NAGPA: variants seen among roughly 807,000 people sequenced by gnomAD.
NAGPA encodes alpha-N-acetylglucosaminyl phosphodiesterase.
A neutral mutation model predicts 48.5 loss-of-function variants in NAGPA; 56 were observed. That is an observed-to-expected ratio of 1.15 (90% confidence interval 0.93 to 1.44). The LOEUF (loss-of-function observed/expected upper bound fraction) is 1.44, where lower values mean the gene tolerates loss of function less well. NAGPA is among the 40% of genes most tolerant of loss of function. The pLI, the probability that NAGPA is intolerant of heterozygous loss-of-function variation, is 0.00. For synonymous variants in NAGPA, 399 were observed against 315.5 expected, an observed-to-expected ratio of 1.26 and a Z score of -2.81; for missense variants, 888 against 735.0, an observed-to-expected ratio of 1.21 and a Z score of -2.41.
chr16:5,032,432 G>A (rs1364290178), intron 2 of NAGPA, among the ~76,000 whole-genome samples: 1 of 151,740 alleles, frequency 6.6e-6, no homozygotes, highest in Non-Finnish European at 1.5e-5. Context: ...GAGGTGGGTG[G>A]ATCACTTGAG....
chr16:5,026,816 G>A (rs1220416411), intron 9 of NAGPA, among the ~76,000 whole-genome samples: 1 of 152,190 alleles, frequency 6.6e-6, no homozygotes, highest in Non-Finnish European at 1.5e-5. Flanking sequence ...CGGGAGGATC[G>A]CAGTGAGCTG....
In NAGPA at chr16:5,025,618, A is replaced by T; in HGVS notation, c.1408T>A (p.Ser470Thr). The change falls in exon 10 of 10, where the codon TCC (serine) becomes ACC (threonine). Residue 470 changes from serine (S) to threonine (T), a missense_variant. By Grantham distance (58) the Ser-to-Thr change is moderately conservative (BLOSUM62 1). Transcript: ENST00000312251. ...CTCTCTGCTCTGGACAGGAGCAAGG[A>T]CAGGTTTGCTGCAGTGCTGATCAGC... ...LLLISTAANL[S>T]LLLSRAERNR... 1 of 1,613,882 alleles carries T rather than the reference A, an allele frequency of 6.2e-7. No individual in the cohort carries two copies. Among genetic ancestry groups the T allele is most frequent in the Non-Finnish European group, 8.5e-7 (1 of 1,179,986 alleles).
intron 4 of NAGPA, chr16:5,029,317 A>C (rs1001804023): frequency 7.5e-5 from 30 of 399,176 alleles, no homozygotes; most frequent in Non-Finnish European, 1.1e-4. Flanking sequence ...ACAGAATAGG[A>C]AGTGAGATTT....
Position 5,031,766 on chromosome 16 carries a change from A to G in NAGPA, c.661T>C (p.Cys221Arg), listed in dbSNP as rs1012506844. The G allele has an allele frequency of 2.5e-6, 4 of 1,613,734 alleles. No homozygotes were observed. The highest frequency in any genetic ancestry group is 8.5e-7 in the Non-Finnish European group (1 of 1,179,940). Reference protein sequence around the residue: ...IYINESQATECDETQETGSFS... With the variant: ...IYINESQATERDETQETGSFS... ...CAACCTGTCTCCTGTGTCTCGTCAC[A>G]CTCTGTGGCTTGGCTCTCGTTGATG... The change falls in exon 3 of 10, where the codon TGT (cysteine) becomes CGT (arginine). Residue 221 changes from cysteine to arginine, a missense_variant. By Grantham distance (180) the Cys-to-Arg change is radical. Transcript: ENST00000312251.
At position 5,033,604 on chromosome 16, in the gene NAGPA, G is replaced by T. The variant is rs531537200; in HGVS notation, c.211C>A (p.Pro71Thr). Residue 71 changes from proline to threonine, a missense_variant, in exon 2 of 10, where the codon CCC (proline) becomes ACC (threonine). By Grantham distance (38) the Pro-to-Thr change is conservative. Transcript: ENST00000312251. This position sits in a 1 kb window ranked among gnomAD's most constrained non-coding sequence, Gnocchi z 4.2. ...HESWPPPPAT[P>T]GAGGLAVRTF... ...CGCACGGCCAGACCGCCGGCGCCGG[G>T]AGTCGCGGGAGGCGGAGGCCAACTC... 329 of 1,498,676 alleles carry T rather than the reference G, an allele frequency of 2.2e-4. No homozygotes were observed. Among genetic ancestry groups the T allele is most frequent in the Non-Finnish European group, 2.7e-4 (308 of 1,136,378 alleles). 92.8% of individuals were successfully genotyped at this position (1,498,676 alleles called of 1,614,324 possible).
At chr16:5,028,636 C>T (rs1397235034) in intron 5 of NAGPA, 2 of 613,464 alleles carry the variant, frequency 3.3e-6, no homozygotes, top group Non-Finnish European at 5.7e-6. Context: ...CCACCCCCAC[C>T]CAGCTACCAC....
chr16:5,025,497 TG>T lies in NAGPA; in HGVS notation c.1528del (p.His510ThrfsTer121). The T allele has an allele frequency of 6.2e-7, 1 of 1,612,266 alleles. No individual in the cohort carries two copies. Among genetic ancestry groups the T allele is most frequent in the Non-Finnish European group, 8.5e-7 (1 of 1,179,970 alleles). On this transcript the variant is annotated frameshift_variant, in exon 10 of 10. Coordinates refer to ENST00000312251, the MANE Select transcript of NAGPA (RefSeq NM_016256.4). LOFTEE classifies it high-confidence loss of function. ...AAEKEQPGGA[H>X]NPFKD ...GAGGCTTCAGTCCTTGAAGGGGTTG[TG>T]GGCGCCCCCTGGCTGCTCCTTCTCT...
At chr16:5,027,661 C>T (rs532577342) in intron 7 of NAGPA, among the ~76,000 whole-genome samples, 185 bp downstream of exon 7, 4 of 152,294 alleles carry the variant, frequency 2.6e-5, no homozygotes, top group African/African-American at 9.6e-5. Flanking sequence ...TTTAGCCGAG[C>T]CCTTTGTGGA....
At chr16:5,029,203 C>T (rs940429134) in intron 4 of NAGPA, 195 bp from the exon 5 acceptor site, 13 of 879,794 alleles carry the variant, frequency 1.5e-5, no homozygotes, top group Non-Finnish European at 2.1e-5. Flanking sequence ...TGTGCTGTTA[C>T]ATGGCATAGG....
In NAGPA at chr16:5,025,216, G is replaced by T; in HGVS notation, c.*262C>A. ...AGTGCGGCAGCCCTCCCGGGGGCAC[G>T]GGCTTCTCGGCAGCAGACACAGGCA... is the stretch of plus-strand genomic sequence containing the variant. On this transcript the variant is annotated 3_prime_UTR_variant, in exon 10 of 10. Transcript: ENST00000312251. 1 of 544,256 alleles carries T rather than the reference G, an allele frequency of 1.8e-6. No individual in the cohort carries two copies. Among genetic ancestry groups the T allele is most frequent in the Non-Finnish European group, 3.3e-6 (1 of 301,898 alleles). 33.7% of individuals were successfully genotyped at this position (544,256 alleles called of 1,614,324 possible). A position where few individuals can be genotyped will look rare whatever the true frequency, so the allele number is the denominator to read the frequency against.
Position 5,033,131 on chromosome 16 carries a change from C to T in NAGPA, c.542+142G>A, listed in dbSNP as rs1956131856. 2.0e-6 allele frequency: 2 copies of T among 992,806 alleles called. No homozygotes were observed. Among genetic ancestry groups the T allele is most frequent in the South Asian group, 3.0e-5 (2 of 67,666 alleles). 61.5% of individuals were successfully genotyped at this position (992,806 alleles called of 1,614,324 possible). The stretch of plus-strand genomic sequence containing the variant: ...GATACTGGATGATGAATAAACTCTG[C>T]AAGGAAGCGATTCCTATCCCCATTC... On this transcript the variant is annotated intron_variant, in intron 2 of 9. Coordinates refer to ENST00000312251, the MANE Select transcript of NAGPA (RefSeq NM_016256.4). The surrounding 1 kb of genome is among the most constrained non-coding windows in gnomAD (Gnocchi z 4.2).
intron 7 of NAGPA, 27 bp downstream of exon 7, chr16:5,027,819 A>C: frequency 6.4e-7 from 1 of 1,553,012 alleles, no homozygotes; most frequent in Non-Finnish European, 8.7e-7. Context: ...CCGTCTCCCC[A>C]TCCGCTAGTG....
Position 5,033,569 on chromosome 16 carries a change from C to T in NAGPA, c.246G>A (p.Val82=), listed in dbSNP as rs1250715740. 1.3e-6 allele frequency: 2 copies of T among 1,501,038 alleles called. No individual in the cohort carries two copies. The highest frequency in any genetic ancestry group is 1.3e-5 in the South Asian group (1 of 79,956). 93.0% of individuals were successfully genotyped at this position (1,501,038 alleles called of 1,614,324 possible). ...GAGGLAVRTF[V]SHFRDRAVAG... Reference sequence around the variant, plus strand: ...CCACCGCGCGGTCCCTGAAGTGCGACACGAAGGTGCGCACGGCCAGACCGC... The same window carrying T: ...CCACCGCGCGGTCCCTGAAGTGCGATACGAAGGTGCGCACGGCCAGACCGC... The change falls in exon 2 of 10, where the codon GTG becomes GTA. Residue 82 remains valine, a synonymous_variant. Transcript: ENST00000312251. This position sits in a 1 kb window ranked among gnomAD's most constrained non-coding sequence, Gnocchi z 4.2.
chr16:5,032,982 G>A (rs774874117), intron 2 of NAGPA: 3 of 550,044 alleles, frequency 5.5e-6, no homozygotes. Flanking sequence ...ATGTATGTTA[G>A]CTATTTACCC....
rs1488143569 is a variant in NAGPA at position 5,029,002 on chromosome 16, G to A, written c.798C>T (p.Asn266=). ...GCAGGAACTCCGCCATTTCCCACAG[G>A]TTGATGCTGCGGCACAAAGCGGCGC... ...ADGQTEQRGI[N]LWEMAEFLLK... is the part of the protein sequence containing the mutation. Residue 266 remains asparagine (N), a synonymous_variant, in exon 5 of 10, where the codon AAC becomes AAT. Transcript: ENST00000312251. 1 of 1,613,360 alleles carries A rather than the reference G, an allele frequency of 6.2e-7. No homozygotes were observed. The highest frequency in any genetic ancestry group is 1.7e-5 in the Admixed American group (1 of 60,036).
Position 5,027,851 on chromosome 16 carries a change from C to T in NAGPA, c.1169G>A (p.Ser390Asn), listed in dbSNP as rs1260140603. 1 of 1,561,326 alleles carries T rather than the reference C, an allele frequency of 6.4e-7. No individual in the cohort carries two copies. The highest frequency in any genetic ancestry group is 8.7e-7 in the Non-Finnish European group (1 of 1,152,682). ...AGTGGCGTGGCAGCTCCTACCTTCA[C>T]TGCAGTTGGACCCGGTCCATCCGGC... ...CDAGWTGSNC[S>N]EECPLGWHGP... The change falls in exon 7 of 10, where the codon AGT becomes AAT. Residue 390 changes from serine to asparagine, a missense_variant. Coordinates refer to ENST00000312251, the MANE Select transcript of NAGPA (RefSeq NM_016256.4).
At chr16:5,032,476 T>C (rs1399867215) in intron 2 of NAGPA, among the ~76,000 whole-genome samples, 1 of 147,642 alleles carries the variant, frequency 6.8e-6, no homozygotes, top group Non-Finnish European at 1.5e-5. Flanking sequence ...GCCAATATGG[T>C]GAACCCACTC....
intron 2 of NAGPA, among the ~76,000 whole-genome samples, chr16:5,032,146 C>A (rs1243996773): frequency 6.6e-6 from 1 of 152,070 alleles, no homozygotes; most frequent in Non-Finnish European, 1.5e-5. Flanking sequence ...AATGACCATC[C>A]CCCAACAGAG....
chr16:5,030,312 G>A, intron 4 of NAGPA, 73 bp downstream of exon 4: 1 of 1,349,030 alleles, frequency 7.4e-7, no homozygotes, highest in Non-Finnish European at 1.0e-6. Context: ...GTCAGAGGGT[G>A]GCTGTCATTG....
Sources: gnomAD v4.1 joint callset for allele counts (sites outside exome capture counted in the v4.1 genomes callset) on GRCh38, gnomAD v4.1.1 for gene constraint, Gnocchi (gnomAD v3.1) non-coding constraint, MANE v1.5 for transcripts, NCBI Gene and HGNC (gene_info 2026-07-23, HGNC 2026-07-21) for gene names.